Variants in ZNF365 observed in about 807,000 individuals in gnomAD.
The protein encoded by ZNF365 is zinc finger protein 365.
ZNF365 carries 22 observed loss-of-function variants against 35.0 expected under a neutral mutation model. That is an observed-to-expected ratio of 0.63 (90% CI 0.45 to 0.90). ZNF365 has a LOEUF of 0.90. ZNF365 is among the 40% of genes least tolerant of loss of function. The pLI, the probability that ZNF365 is intolerant of heterozygous loss-of-function variation, is 0.00. For missense variants in ZNF365, 448 were observed against 500.3 expected, an observed-to-expected ratio of 0.90 and a Z score of 1.00; for synonymous variants, 188 against 196.2, an observed-to-expected ratio of 0.96 and a Z score of 0.35.
chr10:62,384,202 C>T (rs868673157), intron 2 of ZNF365, among the ~76,000 whole-genome samples: 10 of 151,950 alleles, frequency 6.6e-5, no homozygotes, highest in South Asian at 6.2e-4. Context: ...TGCACCCACA[C>T]CCTGATTGAG....
rs1309032520 is a variant in ZNF365, at chr10:62,374,453, A to C, written c.-19A>C. 1 of 152,296 alleles carries C rather than the reference A, an allele frequency of 6.6e-6. No individual in the cohort carries two copies. Among genetic ancestry groups the C allele is most frequent in the Non-Finnish European group, 1.5e-5 (1 of 68,300 alleles). 9.4% of individuals were successfully genotyped at this position (152,296 alleles called of 1,614,324 possible). ...GGCGGCTGCAGCAGCAGCAGCAACA[A>C]GTCGGGTAAGAGGCGGCCGCCGGCC... On this transcript the variant is annotated 5_prime_UTR_variant, in exon 1 of 5. Transcript: ENST00000395254.
chr10:62,473,075 G>T (rs990360702), intron 4 of ZNF365, among the ~76,000 whole-genome samples: 1 of 152,178 alleles, frequency 6.6e-6, no homozygotes, highest in Non-Finnish European at 1.5e-5. Flanking sequence ...TTGGGGAAAG[G>T]GACCATTCAT....
intron 3 of ZNF365, among the ~76,000 whole-genome samples, chr10:62,456,595 A>G (rs1246666785): frequency 6.6e-6 from 1 of 152,248 alleles, no homozygotes; most frequent in Admixed American, 6.5e-5. Context: ...AAACAAGATC[A>G]GAGGCAGAAC....
At position 62,443,931 on chromosome 10, in the gene ZNF365, C is replaced by T. The variant is rs78208144; in HGVS notation, c.925-15810C>T. Among the ~76,000 whole-genome samples, 732 of 152,264 alleles carry T rather than the reference C, an allele frequency of 4.8e-3. 6 individuals are homozygous for T. Among genetic ancestry groups the T allele is most frequent in the Non-Finnish European group, 7.3e-3 (497 of 68,018 alleles). The stretch of plus-strand genomic sequence containing the variant: ...AATGATTACAGTCTTGAACTTTTGC[C>T]CCCATGGAGTACAGCTTGACTGTGA... On this transcript the variant is annotated intron_variant, in intron 3 of 4. Transcript: ENST00000395255.
At chr10:62,431,983 G>C (rs1208338754) in intron 3 of ZNF365, among the ~76,000 whole-genome samples, 3 of 152,068 alleles carry the variant, frequency 2.0e-5, no homozygotes, top group Non-Finnish European at 4.4e-5. Context: ...ACTTACAGTT[G>C]GTCACAAAAA....
intron 3 of ZNF365, among the ~76,000 whole-genome samples, chr10:62,420,357 T>C (rs1177773302): frequency 1.3e-5 from 2 of 152,224 alleles, no homozygotes; most frequent in Non-Finnish European, 2.9e-5. Context: ...TCAATTTTTT[T>C]GTTATTGTTC....
intron 3 of ZNF365, among the ~76,000 whole-genome samples, chr10:62,455,124 AG>A (rs1204274641): frequency 6.6e-6 from 1 of 152,178 alleles, no homozygotes; most frequent in East Asian, 1.9e-4. Context: ...TAACTTGTAA[AG>A]GACAGAAAAA....
At chr10:62,405,131 C>T (rs374890700), downstream of ZNF365, among the ~76,000 whole-genome samples, 1 of 152,098 alleles carries the variant, frequency 6.6e-6, no homozygotes, top group Non-Finnish European at 1.5e-5. Flanking sequence ...TTTTTTGTTA[C>T]AACATGGCTC....
At chr10:62,475,092 CACTCTGGCAAG>C (rs770784180) in intron 4 of ZNF365, among the ~76,000 whole-genome samples, 7 of 152,180 alleles carry the variant, frequency 4.6e-5, no homozygotes, top group Non-Finnish European at 1.0e-4. Context: ...TTCTCATGGC[CACTCTGGCAAG>C]ACATGGCCTT....
At chr10:62,465,382 C>T (rs1226928011) in intron 4 of ZNF365, among the ~76,000 whole-genome samples, 2 of 152,112 alleles carry the variant, frequency 1.3e-5, no homozygotes, top group Non-Finnish European at 2.9e-5. Flanking sequence ...CTGTGGATGG[C>T]ACGTTGATGG....
chr10:62,376,363 C>A lies in ZNF365; in HGVS notation c.170C>A (p.Thr57Asn). ...TTCAGTCACAGCTACGAAGAAAGAACCCTCTTGACAAAATGCAGTCTCTTT... is the reference window on the plus strand; with the variant it reads ...TTCAGTCACAGCTACGAAGAAAGAAACCTCTTGACAAAATGCAGTCTCTTT... ...LEFSHSYEER[T>N]LLTKCSLFPS... Residue 57 changes from threonine (T) to asparagine (N), a missense_variant, in exon 2 of 5, where the codon ACC becomes AAC. Around this residue, in one of 3 missense-constraint regions of ZNF365, gnomAD observed 76 missense variants for 96.7 expected, o/e 0.79. Coordinates refer to ENST00000395254, the MANE Select transcript of ZNF365 (RefSeq NM_014951.3). The A allele has an allele frequency of 1.9e-6, 3 of 1,614,166 alleles. No individual in the cohort carries two copies. The Admixed American group carries it at 5.0e-5, about 27-fold the overall frequency.
intron 3 of ZNF365, among the ~76,000 whole-genome samples, chr10:62,455,395 G>A (rs1407108154): frequency 6.6e-6 from 1 of 152,124 alleles, no homozygotes; most frequent in African/African-American, 2.4e-5. Flanking sequence ...CTCAAAATAT[G>A]TTGGTATCTT....
intron 3 of ZNF365, among the ~76,000 whole-genome samples, chr10:62,392,992 A>G (rs988791178): frequency 2.6e-5 from 4 of 151,940 alleles, no homozygotes; most frequent in Admixed American, 2.6e-4. Context: ...GCTTTATTCA[A>G]TAAGCTTTTT....
rs368785505 is a variant in ZNF365, at chr10:62,475,163, A to G, written c.982-4713A>G. On this transcript the variant is annotated intron_variant, in intron 4 of 4. Transcript: ENST00000395255. ...TCCCCTATTTCAACAATGGAGGGTT[A>G]CAAGTTTGTCATCATCACTTAATTC... Among the ~76,000 whole-genome samples the G allele has an allele frequency of 5.9e-5, 9 of 152,350 alleles. 1 individual carries two copies. Among genetic ancestry groups the G allele is most frequent in the Non-Finnish European group, 8.8e-5 (6 of 68,030 alleles).
intron 2 of ZNF365, among the ~76,000 whole-genome samples, chr10:62,380,321 T>C (rs1175566449): frequency 6.6e-6 from 1 of 152,246 alleles, no homozygotes; most frequent in East Asian, 1.9e-4. Flanking sequence ...TTTACAATGA[T>C]CCATTTCCAT....
At chr10:62,479,779 G>T in intron 4 of ZNF365, 1 of 834,936 alleles carries the variant, frequency 1.2e-6, no homozygotes, top group Non-Finnish European at 2.1e-6. Flanking sequence ...TGTTTGCCAG[G>T]ACCCATGGTT....
intron 4 of ZNF365, among the ~76,000 whole-genome samples, chr10:62,460,589 G>A (rs1840831459): frequency 6.6e-6 from 1 of 152,098 alleles, no homozygotes; most frequent in South Asian, 2.1e-4. Flanking sequence ...ACCTAGAAAA[G>A]CAAAACCTCA....
intron 3 of ZNF365, among the ~76,000 whole-genome samples, chr10:62,392,472 C>A (rs1018742535): frequency 6.6e-6 from 1 of 152,162 alleles, no homozygotes; most frequent in African/African-American, 2.4e-5. Flanking sequence ...GCCAATTATG[C>A]CAGCACCATT....
At chr10:62,439,463 T>C (rs7904487) in intron 3 of ZNF365, among the ~76,000 whole-genome samples, 110,939 of 151,950 alleles carry the variant, frequency 0.73, 40,765 homozygotes, top group South Asian at 0.78. Context: ...AGGGATGGGA[T>C]GTGTAGCTCG....
Sources: gnomAD v4.1 joint callset for allele counts (sites outside exome capture counted in the v4.1 genomes callset) on GRCh38, gnomAD v4.1.1 for gene constraint, gnomAD v4.1.1 regional missense constraint, MANE v1.5 for transcripts, NCBI Gene and HGNC (gene_info 2026-07-23, HGNC 2026-07-21) for gene names.